The following PRH1 variants were observed in gnomAD, a reference collection of about 807,000 sequenced individuals.
The protein encoded by PRH1 is proline rich protein HaeIII subfamily 1.
Under a neutral mutation model 7.9 loss-of-function variants are expected in PRH1, and 7 were observed. That is an observed-to-expected ratio of 0.89 (90% CI 0.50 to 1.67). The LOEUF (loss-of-function observed/expected upper bound fraction) is 1.67. PRH1 is among the 40% of genes most tolerant of loss of function. The probability of loss-of-function intolerance (pLI) is 0.00; values close to 1 mark genes in which losing one functional copy is unlikely to be tolerated. For missense variants in PRH1, 109 were observed against 223.6 expected (o/e 0.49, Z 3.27); for synonymous variants, 45 against 80.8 (o/e 0.56, Z 2.38).
rs749309076 is a variant in PRH1, at chr12:11,061,996, G to A, written n.124-14808C>T. On this transcript the variant is annotated intron_variant and non_coding_transcript_variant, in intron 1 of 4. Transcript: ENST00000541977. ...GAGCAAATAAAATATGCTGAGGCTAGTAGCAAGCCAGTTGCTGAAATGGTT... is the reference window on the plus strand; with the variant it reads ...GAGCAAATAAAATATGCTGAGGCTAATAGCAAGCCAGTTGCTGAAATGGTT... 13 of 1,613,894 alleles carry A rather than the reference G, an allele frequency of 8.1e-6. No homozygotes were observed. The South Asian group carries it at 1.3e-4, about 16-fold the overall frequency.
At chr12:11,066,400 C>A (rs570366667) in intron 1 of PRH1, among the ~76,000 whole-genome samples, 1 of 152,064 alleles carries the variant, frequency 6.6e-6, no homozygotes, top group Admixed American at 6.6e-5. Context: ...TAAATTGTTT[C>A]TATAGTGATC....
At chr12:11,149,639 C>A (rs1373535377) in intron 1 of PRH1, among the ~76,000 whole-genome samples, 2 of 143,582 alleles carry the variant, frequency 1.4e-5, no homozygotes, top group Admixed American at 7.1e-5. Flanking sequence ...AAACTGGATC[C>A]CTTCCTTACA....
chr12:10,918,342 T>A (rs961376671), intron 2 of PRH1, among the ~76,000 whole-genome samples: 2 of 152,048 alleles, frequency 1.3e-5, no homozygotes, highest in African/African-American at 4.8e-5. Context: ...GTAACAAACC[T>A]GCATATCCTG....
intron 1 of PRH1, among the ~76,000 whole-genome samples, chr12:11,138,239 C>G (rs1946609718): frequency 6.6e-6 from 1 of 151,988 alleles, no homozygotes; most frequent in Non-Finnish European, 1.5e-5. Context: ...CATTAGCAAG[C>G]CAAATTCTTG....
At chr12:11,019,856 C>T (rs949959929) in intron 1 of PRH1, among the ~76,000 whole-genome samples, 16 of 152,298 alleles carry the variant, frequency 1.1e-4, no homozygotes, top group African/African-American at 3.6e-4. Context: ...CTGGGAAGTT[C>T]CCTAACATTC....
chr12:11,130,393 A>G (rs1946302072), intron 1 of PRH1, among the ~76,000 whole-genome samples: 2 of 152,206 alleles, frequency 1.3e-5, no homozygotes, highest in Admixed American at 1.3e-4. Flanking sequence ...TATATTTCCT[A>G]TCACTACAAA....
intron 1 of PRH1, among the ~76,000 whole-genome samples, chr12:11,130,845 T>C (rs1308115295): frequency 2.0e-5 from 3 of 152,162 alleles, no homozygotes; most frequent in Non-Finnish European, 4.4e-5. Flanking sequence ...CAAAACCCTG[T>C]ACAACTGTGC....
intron 2 of PRH1, among the ~76,000 whole-genome samples, chr12:10,900,658 G>A (rs569695923): frequency 6.6e-6 from 1 of 152,366 alleles, no homozygotes; most frequent in Non-Finnish European, 1.5e-5. Context: ...ACTAGTCTGT[G>A]TGTGTCATTG....
At chr12:10,954,341 A>G (rs1226444147) in intron 2 of PRH1, among the ~76,000 whole-genome samples, 1 of 152,250 alleles carries the variant, frequency 6.6e-6, no homozygotes, top group Non-Finnish European at 1.5e-5. Flanking sequence ...AGCAAGACGC[A>G]ATGGTATAGT....
rs1944715832 is a variant in PRH1, at chr12:11,086,734, T to C, written n.124-39546A>G. 1.7e-5 allele frequency among the ~76,000 whole-genome samples: 2 copies of C among 115,456 alleles called. 1 individual carries two copies. Among genetic ancestry groups the C allele is most frequent in the African/African-American group, 5.8e-5 (2 of 34,322 alleles). 75.7% of individuals were successfully genotyped at this position (115,456 alleles called of 152,430 possible). A position where few individuals can be genotyped will look rare whatever the true frequency, so the allele number is the denominator to read the frequency against. Reference sequence around the variant, plus strand: ...TTTGAAACCAGCATGGCCAACACGGTGAAACCCTGTCTCCACTAAAAATAC... The same window carrying C: ...TTTGAAACCAGCATGGCCAACACGGCGAAACCCTGTCTCCACTAAAAATAC... On this transcript the variant is annotated intron_variant and non_coding_transcript_variant, in intron 1 of 4. Coordinates refer to the PRH1 transcript ENST00000541977.
intron 1 of PRH1, among the ~76,000 whole-genome samples, chr12:11,156,203 A>G (rs912325580): frequency 6.6e-6 from 1 of 152,184 alleles, no homozygotes; most frequent in African/African-American, 2.4e-5. Flanking sequence ...ATTGAATTCT[A>G]GCTTCCATGC....
chr12:11,161,190 T>C (rs956865958), intron 1 of PRH1, among the ~76,000 whole-genome samples: 1 of 152,154 alleles, frequency 6.6e-6, no homozygotes, highest in Non-Finnish European at 1.5e-5. Flanking sequence ...GTGTTAAAGG[T>C]CACCAAGTGA....
At chr12:11,147,216 G>C (rs1169937368) in intron 1 of PRH1, among the ~76,000 whole-genome samples, 3 of 152,054 alleles carry the variant, frequency 2.0e-5, no homozygotes, top group African/African-American at 7.2e-5. Flanking sequence ...TTGAAACAAT[G>C]TCTCACTCCA....
intron 1 of PRH1, among the ~76,000 whole-genome samples, chr12:11,113,302 G>A (rs1007531871): frequency 6.6e-6 from 1 of 152,124 alleles, no homozygotes; most frequent in African/African-American, 2.4e-5. Context: ...CACACTACCT[G>A]GCTTCAAAGT....
At chr12:10,963,234 A>T (rs1269882166) in intron 2 of PRH1, among the ~76,000 whole-genome samples, 3 of 152,248 alleles carry the variant, frequency 2.0e-5, no homozygotes, top group Non-Finnish European at 4.4e-5. Context: ...TAATGACGTT[A>T]TACATTTTTT....
At chr12:10,938,706 CAG>C in intron 2 of PRH1, 2 of 1,613,946 alleles carry the variant, frequency 1.2e-6, no homozygotes, top group Non-Finnish European at 1.7e-6. Context: ...TTACTTGAAT[CAG>C]AACTGCAAGT....
At chr12:10,996,732 AT>A in intron 1 of PRH1, 1 of 353,918 alleles carries the variant, frequency 2.8e-6, no homozygotes, top group East Asian at 4.5e-5. Flanking sequence ...TAAATATTAA[AT>A]TTTCATATAC....
chr12:11,064,808 C>A (rs1039486835), intron 1 of PRH1, among the ~76,000 whole-genome samples: 12 of 152,004 alleles, frequency 7.9e-5, no homozygotes, highest in African/African-American at 2.9e-4. Context: ...GTGGCTCACA[C>A]CCATAATCTC....
At chr12:11,001,176 C>A (rs948708988) in intron 1 of PRH1, among the ~76,000 whole-genome samples, 12 of 151,862 alleles carry the variant, frequency 7.9e-5, no homozygotes, top group Middle Eastern at 3.4e-3. Context: ...GGGGGGATAG[C>A]AGCTTGTCTG....
Sources: gnomAD v4.1 joint callset for allele counts (sites outside exome capture counted in the v4.1 genomes callset) on GRCh38, gnomAD v4.1.1 for gene constraint, MANE v1.5 for transcripts, NCBI Gene and HGNC (gene_info 2026-07-23, HGNC 2026-07-21) for gene names.